CNTN6: variants seen among roughly 807,000 people sequenced by gnomAD.
The protein encoded by CNTN6 is contactin 6, also known as contactin-6.
A neutral mutation model predicts 122.8 loss-of-function variants in CNTN6; 137 were observed. The ratio of observed to expected loss-of-function variants is 1.12; its 90% CI spans 0.97 to 1.29. CNTN6 has a LOEUF of 1.29. Ranked by LOEUF, CNTN6 falls within the 50% of genes most tolerant of loss-of-function variation. CNTN6 has a pLI of 0.00. For missense variants in CNTN6, 1,634 were observed against 1,223.4 expected, an observed-to-expected ratio of 1.34 and a Z score of -5.01; for synonymous variants, 570 against 426.0, an observed-to-expected ratio of 1.34 and a Z score of -4.16.
At chr3:1,216,159 T>C (rs1236793508) in intron 2 of CNTN6, among the ~76,000 whole-genome samples, 1 of 152,114 alleles carries the variant, frequency 6.6e-6, no homozygotes, top group Non-Finnish European at 1.5e-5. Flanking sequence ...ACTTTTTTTT[T>C]TTTCCTAGAA....
At chr3:1,300,140 C>G (rs1332226534) in intron 7 of CNTN6, among the ~76,000 whole-genome samples, 1 of 151,968 alleles carries the variant, frequency 6.6e-6, no homozygotes, top group Non-Finnish European at 1.5e-5. Flanking sequence ...CCACGCTAAG[C>G]TAATTGTAAT....
chr3:1,402,232 C>G lies in CNTN6; in HGVS notation c.2818-86C>G, dbSNP rs1444448304. The G allele has an allele frequency of 5.0e-6, 5 of 1,008,124 alleles. No homozygotes were observed. In the Admixed American group the frequency reaches 6.8e-5, roughly 14 times the overall value. The allele number at this position is 1,008,124 out of a possible 1,614,324, so 62.4% of individuals were successfully genotyped here. ...GAGTACAACATTTATGATGATGTAT[C>G]TTATGTCTTACAGTGTTCCAGAACA... On this transcript the variant is annotated intron_variant, in intron 21 of 22. Transcript: ENST00000446702.
intron 4 of CNTN6, among the ~76,000 whole-genome samples, chr3:1,244,476 G>T (rs933244782): frequency 1.4e-5 from 2 of 141,298 alleles, no homozygotes; most frequent in African/African-American, 5.3e-5. Context: ...GGGACTTGCC[G>T]CTGAGGGTGA....
In CNTN6 at chr3:1,295,663, T is replaced by C. The variant is rs746086931; in HGVS notation, c.517T>C (p.Phe173Leu). 1.2e-6 allele frequency: 2 copies of C among 1,614,036 alleles called. No individual in the cohort carries two copies. Among genetic ancestry groups the C allele is most frequent in the Non-Finnish European group, 1.7e-6 (2 of 1,179,946 alleles). The change falls in exon 6 of 23, where the codon TTT (phenylalanine) becomes CTT (leucine). Residue 173 changes from phenylalanine (F) to leucine (L), a missense_variant. Phe to Leu is a conservative substitution (Grantham distance 22). Coordinates refer to ENST00000446702, the MANE Select transcript of CNTN6 (RefSeq NM_001289080.2). The stretch of plus-strand genomic sequence containing the variant: ...ATACGTCCAAGAGGACAATAGGCGA[T>C]TTGTATCTCAAGAGACGGGAAACTT... ...PLYVQEDNRR[F>L]VSQETGNLYI...
At chr3:1,120,134 G>T (rs570723077) in intron 1 of CNTN6, among the ~76,000 whole-genome samples, 3 of 151,460 alleles carry the variant, frequency 2.0e-5, no homozygotes, top group South Asian at 2.1e-4. Context: ...TGGATGTTTG[G>T]TTTTTTTCAA....
intron 2 of CNTN6, among the ~76,000 whole-genome samples, chr3:1,157,786 G>A (rs2093009314): frequency 6.6e-6 from 1 of 152,080 alleles, no homozygotes; most frequent in Non-Finnish European, 1.5e-5. Flanking sequence ...TTAGCTTAAT[G>A]ACCTCCAGTT....
At chr3:1,266,738 C>G (rs2094931907) in intron 4 of CNTN6, among the ~76,000 whole-genome samples, 1 of 152,146 alleles carries the variant, frequency 6.6e-6, no homozygotes, top group Non-Finnish European at 1.5e-5. Context: ...CCATTGAAAT[C>G]ACTCTCCTTT....
At chr3:1,388,738 A>G (rs1338715506) in intron 20 of CNTN6, among the ~76,000 whole-genome samples, 8 of 149,282 alleles carry the variant, frequency 5.4e-5, no homozygotes, top group South Asian at 2.1e-4. Flanking sequence ...GGAGCTGAAA[A>G]CCAAGGCTCG....
In CNTN6 at chr3:1,227,884, T is replaced by G. The variant is rs1230872730; in HGVS notation, c.249T>G (p.Ser83Arg). ...MSYHYRLDGG[S>R]LAINSPHTDQ... ...ATCACTACAGGTTGGATGGAGGCAG[T>G]CTTGCAATCAATAGCCCCCACACAG... is the stretch of plus-strand genomic sequence containing the variant. The change falls in exon 4 of 23, where the codon AGT (serine) becomes AGG (arginine). Residue 83 changes from serine (S) to arginine (R), a missense_variant. By Grantham distance (110) the Ser-to-Arg change is moderately radical (BLOSUM62 -1). Transcript: ENST00000446702. 6 of 1,613,970 alleles carry G rather than the reference T, an allele frequency of 3.7e-6. No individual in the cohort carries two copies. The highest frequency in any genetic ancestry group is 1.3e-5 in the African/African-American group (1 of 74,894).
At chr3:1,129,791 T>C (rs1574954393) in intron 1 of CNTN6, among the ~76,000 whole-genome samples, 1 of 152,102 alleles carries the variant, frequency 6.6e-6, no homozygotes, top group Admixed American at 6.6e-5. Flanking sequence ...AATTTAAGTA[T>C]GAATTTCTAT....
chr3:1,300,517 G>GA (rs1559754574), intron 7 of CNTN6, among the ~76,000 whole-genome samples: 57 of 139,044 alleles, frequency 4.1e-4, no homozygotes, highest in African/African-American at 1.5e-3. Flanking sequence ...GAGAAAGAAA[G>GA]AAAGAAAGAT....
chr3:1,247,407 C>A (rs1364966718), intron 4 of CNTN6, among the ~76,000 whole-genome samples: 1 of 150,652 alleles, frequency 6.6e-6, no homozygotes, highest in African/African-American at 2.4e-5. Flanking sequence ...TGCAGTCTTA[C>A]AATAAGTCTT....
chr3:1,247,155 G>T (rs1559603309), intron 4 of CNTN6, among the ~76,000 whole-genome samples: 1 of 151,828 alleles, frequency 6.6e-6, no homozygotes, highest in Non-Finnish European at 1.5e-5. Flanking sequence ...AAATTATAAT[G>T]CACCTGCATT....
intron 2 of CNTN6, among the ~76,000 whole-genome samples, chr3:1,148,868 A>G (rs967563902): frequency 1.3e-5 from 2 of 152,142 alleles, no homozygotes; most frequent in Non-Finnish European, 2.9e-5. Context: ...CTGTGCTGCC[A>G]TGGCTGTGGT....
rs1338541100 is a variant in CNTN6, at chr3:1,384,812, C to CACACATAT, written c.2518-798_2518-797insCACATATA. ...ATATATATATACACACACACACACA[C>CACACATAT]ATATATATATATATATATAACCATA... is the stretch of plus-strand genomic sequence containing the variant. On this transcript the variant is annotated intron_variant, in intron 19 of 22. Coordinates refer to ENST00000446702, the MANE Select transcript of CNTN6 (RefSeq NM_001289080.2). Among the ~76,000 whole-genome samples, 28 of 118,498 alleles carry CACACATAT rather than the reference C, an allele frequency of 2.4e-4. 1 individual carries two copies. The highest frequency in any genetic ancestry group is 1.1e-3 in the Admixed American group (13 of 11,760). The allele number at this position is 118,498 out of a possible 152,430, so 77.7% of individuals were successfully genotyped here. A position where few individuals can be genotyped will look rare whatever the true frequency, so the allele number is the denominator to read the frequency against.
intron 19 of CNTN6, among the ~76,000 whole-genome samples, chr3:1,384,785 A>G (rs1214608952): frequency 7.0e-6 from 1 of 142,936 alleles, no homozygotes; most frequent in Non-Finnish European, 1.5e-5. Context: ...ATATATATAT[A>G]TATATATATA....
chr3:1,263,191 A>C (rs2094875006), intron 4 of CNTN6, among the ~76,000 whole-genome samples: 1 of 152,214 alleles, frequency 6.6e-6, no homozygotes, highest in South Asian at 2.1e-4. Flanking sequence ...AGAAATTGAA[A>C]AAAAATGAAA....
chr3:1,198,928 A>G (rs1286887598), intron 2 of CNTN6, among the ~76,000 whole-genome samples: 1 of 152,148 alleles, frequency 6.6e-6, no homozygotes, highest in Non-Finnish European at 1.5e-5. Context: ...TCAGTGGCTG[A>G]TGTCTCTATG....
At chr3:1,312,677 A>G (rs1180658360) in intron 7 of CNTN6, among the ~76,000 whole-genome samples, 2 of 151,552 alleles carry the variant, frequency 1.3e-5, no homozygotes, top group Admixed American at 1.3e-4. Context: ...TAGGTGAAGA[A>G]TGTATTGCTA....
Sources: allele counts gnomAD v4.1 joint callset (sites outside exome capture counted in the v4.1 genomes callset), GRCh38; gene constraint gnomAD v4.1.1; transcripts MANE v1.5; gene names NCBI Gene and HGNC (gene_info 2026-07-23, HGNC 2026-07-21).